Variants in MED27 observed in about 807,000 individuals in gnomAD.
MED27 encodes the protein mediator complex subunit 27.
In MED27, 30 loss-of-function variants were observed where a neutral mutation model predicts 38.2. That is an observed-to-expected ratio of 0.79 (90% confidence interval 0.59 to 1.07). MED27 has a LOEUF of 1.07. Ranked by LOEUF, MED27 falls within the 50% of genes least tolerant of loss-of-function variation. MED27 has a pLI of 0.00. For missense variants in MED27, 289 were observed against 397.5 expected, an observed-to-expected ratio of 0.73 and a Z score of 2.32; for synonymous variants, 122 against 153.5, an observed-to-expected ratio of 0.79 and a Z score of 1.52.
At chr9:132,002,163 A>ACTGAGGTTTAGAAACACCTTTAGT (rs1832249112) in intron 3 of MED27, among the ~76,000 whole-genome samples, 1 of 152,192 alleles carries the variant, frequency 6.6e-6, no homozygotes, top group Non-Finnish European at 1.5e-5. Flanking sequence ...TCAGAGCGTA[A>ACTGAGGTTTAGAAACACCTTTAGT]CTGAGGTTTA....
At chr9:132,053,285 G>C (rs1177276186) in intron 2 of MED27, among the ~76,000 whole-genome samples, 3 of 151,868 alleles carry the variant, frequency 2.0e-5, no homozygotes, top group Non-Finnish European at 4.4e-5. Context: ...AGAAAGGGCT[G>C]CTCAGACACC....
chr9:131,925,181 C>T (rs977096253), intron 4 of MED27, among the ~76,000 whole-genome samples: 2 of 152,124 alleles, frequency 1.3e-5, no homozygotes, highest in Non-Finnish European at 2.9e-5. Flanking sequence ...AAACTGTAGC[C>T]CACGGGTACT....
At chr9:132,032,769 T>C (rs1163081535) in intron 2 of MED27, among the ~76,000 whole-genome samples, 10 of 152,170 alleles carry the variant, frequency 6.6e-5, no homozygotes, top group African/African-American at 2.4e-4. Context: ...TCTTGTCACC[T>C]AGCCACTCTC....
intron 6 of MED27, among the ~76,000 whole-genome samples, chr9:131,880,992 T>A (rs1185095468): frequency 6.6e-6 from 1 of 151,756 alleles, no homozygotes; most frequent in East Asian, 1.9e-4. Context: ...CATTGTTAAA[T>A]ACCAAGTTAC....
intron 2 of MED27, among the ~76,000 whole-genome samples, chr9:132,072,904 G>A (rs1391255789): frequency 6.6e-6 from 1 of 151,976 alleles, no homozygotes; most frequent in African/African-American, 2.4e-5. Flanking sequence ...TCGGTTATAC[G>A]TAACTCACAA....
intron 6 of MED27, among the ~76,000 whole-genome samples, chr9:131,882,889 A>G (rs1175148117): frequency 6.6e-6 from 1 of 150,530 alleles, no homozygotes; most frequent in Non-Finnish European, 1.5e-5. Context: ...CCTGGCACAG[A>G]GCAAAGGGGC....
chr9:132,077,403 T>C (rs4440729), intron 2 of MED27, 39 bp downstream of exon 2: 1,559,574 of 1,587,442 alleles, frequency 0.98, 766,154 homozygotes, highest in East Asian at 1. Context: ...GAAAACTTGG[T>C]TTTCCATATA....
At chr9:132,020,881 G>A (rs1832702973) in intron 2 of MED27, among the ~76,000 whole-genome samples, 1 of 152,086 alleles carries the variant, frequency 6.6e-6, no homozygotes, top group Admixed American at 6.5e-5. Flanking sequence ...TTAGACTTGA[G>A]CTTTTATGGG....
intron 2 of MED27, among the ~76,000 whole-genome samples, chr9:132,040,016 G>C (rs1833173153): frequency 6.6e-6 from 1 of 152,166 alleles, no homozygotes. Context: ...TTTTGATAAA[G>C]AGAAAATACA....
rs535426552 is a variant in MED27 at position 132,024,961 on chromosome 9, C to T, written c.349-10494G>A. The stretch of plus-strand genomic sequence containing the variant: ...ATCAAAGTCTCTCTCCAGACTCCCA[C>T]AGCACTCTATTTCTGTCGGTCTGTT... On this transcript the variant is annotated intron_variant, in intron 2 of 7. Coordinates refer to ENST00000292035, the MANE Select transcript of MED27 (RefSeq NM_004269.4). Among the ~76,000 whole-genome samples, 5 of 152,252 alleles carry T rather than the reference C, an allele frequency of 3.3e-5. No homozygotes were observed. In the South Asian group the frequency reaches 1.0e-3, roughly 32 times the overall value.
At chr9:131,935,043 A>G (rs1406776506) in intron 4 of MED27, among the ~76,000 whole-genome samples, 1 of 152,086 alleles carries the variant, frequency 6.6e-6, no homozygotes, top group Non-Finnish European at 1.5e-5. Flanking sequence ...TAGAATAAGG[A>G]TGGTTACCAG....
chr9:132,053,145 C>A (rs564570266), intron 2 of MED27, among the ~76,000 whole-genome samples: 6 of 151,572 alleles, frequency 4.0e-5, no homozygotes, highest in Admixed American at 3.3e-4. Flanking sequence ...CCCAGCTACT[C>A]GGGAGGCTGA....
At chr9:132,053,395 A>G (rs372783003) in intron 2 of MED27, among the ~76,000 whole-genome samples, 1 of 152,182 alleles carries the variant, frequency 6.6e-6, no homozygotes, top group African/African-American at 2.4e-5. Context: ...ATCTCAATAT[A>G]GTACACCAGG....
chr9:132,016,279 A>G lies in MED27; in HGVS notation c.349-1812T>C, dbSNP rs1832600619. 3.9e-5 allele frequency among the ~76,000 whole-genome samples: 6 copies of G among 152,332 alleles called. No homozygotes were observed. In the South Asian group the frequency reaches 1.2e-3, roughly 32 times the overall value. ...GCTATCCAGTGATCCAGTATGACAGAAGTATCTGTGTTTGGAGCATCCGTA... is the reference window on the plus strand; with the variant it reads ...GCTATCCAGTGATCCAGTATGACAGGAGTATCTGTGTTTGGAGCATCCGTA... On this transcript the variant is annotated intron_variant, in intron 2 of 7. Coordinates refer to ENST00000292035, the MANE Select transcript of MED27 (RefSeq NM_004269.4).
At chr9:131,892,348 T>C (rs1216456832) in intron 5 of MED27, among the ~76,000 whole-genome samples, 1 of 152,224 alleles carries the variant, frequency 6.6e-6, no homozygotes, top group Non-Finnish European at 1.5e-5. Context: ...GATGGCAAAG[T>C]GCCAAGTGCT....
intron 5 of MED27, among the ~76,000 whole-genome samples, chr9:131,888,203 C>G (rs74777948): frequency 6.6e-6 from 1 of 152,200 alleles, no homozygotes; most frequent in Non-Finnish European, 1.5e-5. Flanking sequence ...TTCGGCCTGC[C>G]CTTTACCTGC....
chr9:131,930,396 G>C (rs948428402), intron 4 of MED27, among the ~76,000 whole-genome samples: 2 of 152,140 alleles, frequency 1.3e-5, no homozygotes, highest in Non-Finnish European at 2.9e-5. Context: ...ATAGAGTGGA[G>C]CTCCAGTCCA....
rs1839082602 is a variant in MED27 at position 131,883,393 on chromosome 9, C to T, written c.723+665G>A. ...ATCAGCCACAGGGCCTGAGTTAGTC[C>T]AGGGAAGGGGCCCTGCACTGTCAGG... On this transcript the variant is annotated intron_variant, in intron 6 of 7. Transcript: ENST00000292035. This position sits in a 1 kb window ranked among gnomAD's most constrained non-coding sequence, Gnocchi z 4.2. Among the ~76,000 whole-genome samples, 1 of 152,168 alleles carries T rather than the reference C, an allele frequency of 6.6e-6. No individual in the cohort carries two copies. The highest frequency in any genetic ancestry group is 2.4e-5 in the African/African-American group (1 of 41,426).
At position 131,917,041 on chromosome 9, in the gene MED27, C is replaced by G. The variant is rs572517200; in HGVS notation, c.573+22340G>C. On this transcript the variant is annotated intron_variant, in intron 4 of 7. Transcript: ENST00000292035. The surrounding 1 kb of genome is among the most constrained non-coding windows in gnomAD (Gnocchi z 4.6). ...AGCAGGTGGAGAAGGGTGCCATAGGCAGAAATGCAGGTACAAAGCATAAAA... is the reference window on the plus strand; with the variant it reads ...AGCAGGTGGAGAAGGGTGCCATAGGGAGAAATGCAGGTACAAAGCATAAAA... Among the ~76,000 whole-genome samples, 74 of 152,228 alleles carry G rather than the reference C, an allele frequency of 4.9e-4. No homozygotes were observed. Among genetic ancestry groups the G allele is most frequent in the African/African-American group, 1.7e-3 (71 of 41,532 alleles).
Sources: allele counts gnomAD v4.1 joint callset (sites outside exome capture counted in the v4.1 genomes callset), GRCh38; gene constraint gnomAD v4.1.1; non-coding constraint Gnocchi (gnomAD v3.1); transcripts MANE v1.5; gene names NCBI Gene and HGNC (gene_info 2026-07-23, HGNC 2026-07-21).